Variants in DNAI1 observed in about 807,000 individuals in gnomAD.
DNAI1 encodes the protein dynein, axonemal, intermediate polypeptide 1.
In DNAI1, 67 loss-of-function variants were observed where a neutral mutation model predicts 92.0. The observed-to-expected ratio is 0.73, with a 90% CI of 0.60 to 0.89. The LOEUF (loss-of-function observed/expected upper bound fraction) is 0.89, where lower values mean the gene tolerates loss of function less well. DNAI1 is among the 40% of genes least tolerant of loss of function. The pLI, the probability that DNAI1 is intolerant of heterozygous loss-of-function variation, is 0.00. For missense variants in DNAI1, 839 were observed against 866.6 expected (o/e 0.97, Z 0.40); for synonymous variants, 323 against 319.6 (o/e 1.01, Z -0.11).
At chr9:34,487,448 G>C (rs1222790063) in intron 4 of DNAI1, among the ~76,000 whole-genome samples, 1 of 152,132 alleles carries the variant, frequency 6.6e-6, no homozygotes, top group Non-Finnish European at 1.5e-5. Context: ...GCCTCCAAAA[G>C]TGCTGGGATT....
rs778906592 is a variant in DNAI1 at position 34,470,943 on chromosome 9, A to G, written c.48+11890A>G. ...GCATATTAAGAGTAGTTTGAACAAA[A>G]TAGAAGTAAATAATATCTTCAAAAT... On this transcript the variant is annotated intron_variant, in intron 1 of 19. Transcript: ENST00000242317. 3.7e-4 allele frequency among the ~76,000 whole-genome samples: 57 copies of G among 152,258 alleles called. 3 individuals are homozygous for G. The highest frequency in any genetic ancestry group is 1.0e-4 in the Non-Finnish European group (7 of 68,034).
At chr9:34,517,148 C>T (rs1157554976) in intron 18 of DNAI1, 137 bp from the exon 19 acceptor site, 11 of 882,542 alleles carry the variant, frequency 1.2e-5, no homozygotes, top group African/African-American at 1.7e-5. Flanking sequence ...AAAATTCCCC[C>T]TCCCTCCACC....
At chr9:34,484,621 G>A (rs777078879) in intron 2 of DNAI1, among the ~76,000 whole-genome samples, 2 of 152,208 alleles carry the variant, frequency 1.3e-5, no homozygotes, top group Non-Finnish European at 2.9e-5. Flanking sequence ...AAACCTTCTA[G>A]TCCTTGATTT....
intron 9 of DNAI1, among the ~76,000 whole-genome samples, chr9:34,496,110 T>G (rs1349638656): frequency 6.6e-6 from 1 of 152,162 alleles, no homozygotes; most frequent in Non-Finnish European, 1.5e-5. Context: ...AATGACCTGA[T>G]GAGGCAGATG....
In DNAI1 at chr9:34,512,117, G is replaced by A; in HGVS notation, c.1320G>A (p.Trp440Ter). ...KHSDPVWQVK[W>*]QKDDMDQNLN... ...ATTTTGGGATGTTTCAGGTCAAGTG[G>A]CAGAAGGATGACATGGACCAAAACC... The change falls in exon 14 of 20, where the codon TGG (tryptophan) becomes TGA (stop). Residue 440 changes from tryptophan (W) to a stop codon, truncating the protein, a stop_gained. Transcript: ENST00000242317. LOFTEE classifies it high-confidence loss of function. The A allele has an allele frequency of 5.0e-6, 8 of 1,614,130 alleles. No homozygotes were observed. The highest frequency in any genetic ancestry group is 6.8e-6 in the Non-Finnish European group (8 of 1,179,990).
At chr9:34,519,926 C>A (rs1825237288) in intron 19 of DNAI1, among the ~76,000 whole-genome samples, 1 of 152,164 alleles carries the variant, frequency 6.6e-6, no homozygotes, top group Non-Finnish European at 1.5e-5. Context: ...GTTCTCAGGA[C>A]CTGTGGGTGA....
At chr9:34,519,472 A>G (rs1825225988) in intron 19 of DNAI1, among the ~76,000 whole-genome samples, 1 of 152,148 alleles carries the variant, frequency 6.6e-6, no homozygotes, top group African/African-American at 2.4e-5. Context: ...AGAGAACCCA[A>G]GCTTAATTTA....
intron 1 of DNAI1, among the ~76,000 whole-genome samples, chr9:34,476,094 G>A (rs1824231166): frequency 6.6e-6 from 1 of 152,096 alleles, no homozygotes; most frequent in Non-Finnish European, 1.5e-5. Flanking sequence ...TCTTTAAAAG[G>A]GGAACAGTTT....
chr9:34,484,535 TAGTG>T (rs1272943687), intron 2 of DNAI1, among the ~76,000 whole-genome samples: 10 of 152,302 alleles, frequency 6.6e-5, no homozygotes, highest in African/African-American at 2.2e-4. Flanking sequence ...TTTTGATTGT[TAGTG>T]AGAGTGAACA....
At chr9:34,489,750 G>T (rs950125563) in intron 5 of DNAI1, among the ~76,000 whole-genome samples, 2 of 152,170 alleles carry the variant, frequency 1.3e-5, no homozygotes, top group African/African-American at 4.8e-5. Flanking sequence ...TCGGGAGGCT[G>T]AGGCAGGAGA....
intron 2 of DNAI1, among the ~76,000 whole-genome samples, chr9:34,484,493 A>C (rs938378930): frequency 1.3e-5 from 2 of 152,218 alleles, no homozygotes; most frequent in African/African-American, 4.8e-5. Context: ...CCAATTTTAT[A>C]GTGAAAAAAT....
At chr9:34,496,590 G>A (rs1019467685) in intron 9 of DNAI1, among the ~76,000 whole-genome samples, 1 of 152,170 alleles carries the variant, frequency 6.6e-6, no homozygotes, top group African/African-American at 2.4e-5. Context: ...GTTCTGCCTT[G>A]TACTCCATGT....
chr9:34,503,576 A>G (rs1244894760), intron 12 of DNAI1, among the ~76,000 whole-genome samples: 2 of 152,218 alleles, frequency 1.3e-5, no homozygotes, highest in Non-Finnish European at 2.9e-5. Context: ...ACTCAGCCAA[A>G]TAAAACTTTG....
chr9:34,495,333 G>A (rs1419293197), intron 9 of DNAI1, among the ~76,000 whole-genome samples: 1 of 152,122 alleles, frequency 6.6e-6, no homozygotes, highest in Non-Finnish European at 1.5e-5. Flanking sequence ...GTCAGACTGG[G>A]GAGGCACTGG....
intron 1 of DNAI1, among the ~76,000 whole-genome samples, chr9:34,464,391 C>G (rs551144901): frequency 3.8e-4 from 58 of 152,262 alleles, no homozygotes; most frequent in African/African-American, 1.4e-3. Flanking sequence ...TTGTACCACT[C>G]TTCTCCATTA....
chr9:34,496,129 C>T (rs546264335), intron 9 of DNAI1, among the ~76,000 whole-genome samples: 5 of 152,240 alleles, frequency 3.3e-5, no homozygotes, highest in East Asian at 1.9e-4. Flanking sequence ...TGCCACCATC[C>T]GCCCCCACTT....
intron 1 of DNAI1, among the ~76,000 whole-genome samples, chr9:34,460,638 G>T (rs1478845257): frequency 6.6e-6 from 1 of 152,032 alleles, no homozygotes; most frequent in South Asian, 2.1e-4. Flanking sequence ...TTTACAGGCA[G>T]TTTGCTTTTA....
intron 1 of DNAI1, among the ~76,000 whole-genome samples, chr9:34,475,105 T>G (rs574379587): frequency 6.6e-6 from 1 of 152,362 alleles, no homozygotes; most frequent in East Asian, 1.9e-4. Flanking sequence ...GACACTGCAC[T>G]AGGCTCAGAG....
rs543138313 is a variant in DNAI1, at chr9:34,513,288, G to T, written c.1569+97G>T. On this transcript the variant is annotated intron_variant, in intron 16 of 19. Transcript: ENST00000242317. ...ACAGATCCTATTTTGATGGATTTTA[G>T]TTCCCGTCAGTTCTAGAAGGCCTCT... is the stretch of plus-strand genomic sequence containing the variant. The T allele has an allele frequency of 1.6e-4, 152 of 957,634 alleles. No homozygotes were observed. In the South Asian group the frequency reaches 1.8e-3, roughly 11 times the overall value. The allele number at this position is 957,634 out of a possible 1,614,324, so 59.3% of individuals were successfully genotyped here. A position where few individuals can be genotyped will look rare whatever the true frequency, so the allele number is the denominator to read the frequency against.
Sources: gnomAD v4.1 joint callset for allele counts (sites outside exome capture counted in the v4.1 genomes callset) on GRCh38, gnomAD v4.1.1 for gene constraint, MANE v1.5 for transcripts, NCBI Gene and HGNC (gene_info 2026-07-23, HGNC 2026-07-21) for gene names.